Variants in GALNT11 observed in about 807,000 individuals in gnomAD.
The protein encoded by GALNT11 is polypeptide N-acetylgalactosaminyltransferase 11, also known as UDP-GalNAc:polypeptide N-acetylgalactosaminyltransferase 11.
GALNT11 carries 47 observed loss-of-function variants against 72.7 expected under a neutral mutation model. The observed-to-expected ratio is 0.65, with a 90% CI of 0.51 to 0.82. GALNT11 has a LOEUF of 0.82. GALNT11 is among the 40% of genes least tolerant of loss of function. GALNT11 has a pLI of 0.00. For missense variants in GALNT11, 677 were observed against 778.4 expected (o/e 0.87, Z 1.55); for synonymous variants, 270 against 286.6 (o/e 0.94, Z 0.58).
At chr7:152,097,296 A>C (rs1177398978) in intron 2 of GALNT11, among the ~76,000 whole-genome samples, 1 of 152,234 alleles carries the variant, frequency 6.6e-6, no homozygotes, top group Admixed American at 6.6e-5. Context: ...AAACAATGAG[A>C]TAGCCATCTC....
chr7:152,065,282 G>A (rs557563926), intron 1 of GALNT11, among the ~76,000 whole-genome samples: 14 of 152,166 alleles, frequency 9.2e-5, no homozygotes, highest in East Asian at 3.9e-4. Context: ...CGTAGTTCTC[G>A]TGCCATGGTT....
At chr7:152,100,993 G>A (rs1359897604) in intron 3 of GALNT11, 72 bp downstream of exon 3, 4 of 1,566,208 alleles carry the variant, frequency 2.6e-6, no homozygotes, top group East Asian at 2.3e-5. Context: ...AAGAGGTCAC[G>A]AGGACGGGGT....
At chr7:152,062,372 C>T (rs545315527) in intron 1 of GALNT11, among the ~76,000 whole-genome samples, 74 of 152,258 alleles carry the variant, frequency 4.9e-4, no homozygotes, top group African/African-American at 1.7e-3. Flanking sequence ...TGGGCTGAGA[C>T]GATGAGGTTT....
At chr7:152,071,037 T>C (rs998520482) in intron 1 of GALNT11, among the ~76,000 whole-genome samples, 11 of 152,112 alleles carry the variant, frequency 7.2e-5, no homozygotes, top group Non-Finnish European at 1.6e-4. Flanking sequence ...TAATAGAATA[T>C]CACAAGGCAA....
intron 6 of GALNT11, among the ~76,000 whole-genome samples, chr7:152,109,481 TAA>T (rs1005222245): frequency 3.3e-5 from 5 of 152,248 alleles, no homozygotes; most frequent in African/African-American, 1.2e-4. Flanking sequence ...TGGATATGTA[TAA>T]ACATGGTTAC....
intron 1 of GALNT11, among the ~76,000 whole-genome samples, chr7:152,076,239 T>C (rs1392736122): frequency 6.6e-6 from 1 of 152,226 alleles, no homozygotes; most frequent in African/African-American, 2.4e-5. Context: ...CTCTCTTTAT[T>C]AGATTTTTCA....
intron 1 of GALNT11, among the ~76,000 whole-genome samples, chr7:152,047,039 ACT>A (rs2083161612): frequency 1.3e-5 from 2 of 152,212 alleles, no homozygotes; most frequent in Non-Finnish European, 1.5e-5. Context: ...GCAACTTAAC[ACT>A]GATTGTCTAA....
chr7:152,120,827 C>G lies in GALNT11; in HGVS notation c.1558-4C>G, dbSNP rs2089360488. 6.3e-7 allele frequency: 1 copy of G among 1,594,928 alleles called. No homozygotes were observed. The highest frequency in any genetic ancestry group is 1.3e-5 in the African/African-American group (1 of 74,400). ...CTAAATTTTATTTTATTTTTCTTCT[C>G]TAGATCTGGATCTATAATGAAGAGC... is the stretch of plus-strand genomic sequence containing the variant. On this transcript the variant is annotated splice_polypyrimidine_tract_variant and splice_region_variant and intron_variant, in intron 10 of 11. Transcript: ENST00000430044.
In GALNT11 at chr7:152,113,712, C is replaced by CTT. The variant is rs6150397; in HGVS notation, c.1233+355_1233+356dup. 1.8e-3 allele frequency among the ~76,000 whole-genome samples: 178 copies of CTT among 96,970 alleles called. 15 individuals carry two copies. The highest frequency in any genetic ancestry group is 2.2e-3 in the African/African-American group (47 of 21,776). The allele number at this position is 96,970 out of a possible 152,430, so 63.6% of individuals were successfully genotyped here. The stretch of plus-strand genomic sequence containing the variant: ...TGTGACGCCTGCAAAAGTTGGCTTT[C>CTT]TTTTTTTTTTTTTTTTTTTTTTTTT... On this transcript the variant is annotated intron_variant, in intron 8 of 11. Coordinates refer to ENST00000430044, the MANE Select transcript of GALNT11 (RefSeq NM_022087.4).
rs7789170 is a variant in GALNT11 at position 152,073,445 on chromosome 7, G to T, written c.-38-20745G>T. On this transcript the variant is annotated intron_variant, in intron 1 of 11. Transcript: ENST00000430044. ...GGCTTATTTCACTTAATATCCTCCA[G>T]TTCCATCCATGTTGCTGTGAGTGAC... Among the ~76,000 whole-genome samples the T allele has an allele frequency of 2.3e-3, 351 of 152,210 alleles. 1 individual carries two copies. Among genetic ancestry groups the T allele is most frequent in the African/African-American group, 8.1e-3 (338 of 41,538 alleles).
At chr7:152,028,680 C>G (rs550144297) in intron 1 of GALNT11, among the ~76,000 whole-genome samples, 52 of 151,680 alleles carry the variant, frequency 3.4e-4, no homozygotes, top group African/African-American at 1.3e-3. Context: ...CCTCTCAATC[C>G]CCCCCCTCTA....
Position 152,116,482 on chromosome 7 carries a change from G to T in GALNT11, c.1234-675G>T, listed in dbSNP as rs1328294812. 3.9e-5 allele frequency among the ~76,000 whole-genome samples: 6 copies of T among 152,160 alleles called. No homozygotes were observed. In the East Asian group the frequency reaches 7.7e-4, roughly 20 times the overall value. ...TCAAACTCCTGACCTTAAGTGATCC[G>T]CCTGCCTTGGCCTCCCAAAGTGCTG... On this transcript the variant is annotated intron_variant, in intron 8 of 11. Transcript: ENST00000430044.
At chr7:152,107,858 C>G (rs1011211626) in intron 5 of GALNT11, 180 bp from the exon 6 acceptor site, 42 of 625,124 alleles carry the variant, frequency 6.7e-5, no homozygotes, top group Middle Eastern at 4.4e-4. Context: ...GCATTACTGG[C>G]TGAGGGACGT....
intron 2 of GALNT11, among the ~76,000 whole-genome samples, chr7:152,095,147 A>T (rs1436291425): frequency 6.6e-6 from 1 of 151,980 alleles, no homozygotes; most frequent in Non-Finnish European, 1.5e-5. Context: ...AAATATATGT[A>T]TATATAATAT....
chr7:152,091,671 C>T (rs757655750), intron 1 of GALNT11, among the ~76,000 whole-genome samples: 6 of 152,110 alleles, frequency 3.9e-5, no homozygotes, highest in African/African-American at 1.4e-4. Flanking sequence ...AGCCACCGCC[C>T]CCAGCCGGAG....
At chr7:152,034,719 G>A (rs764441230) in intron 1 of GALNT11, among the ~76,000 whole-genome samples, 3 of 152,124 alleles carry the variant, frequency 2.0e-5, no homozygotes, top group Non-Finnish European at 4.4e-5. Context: ...CACAACGGTC[G>A]GTCCCTGGAC....
chr7:152,027,074 C>A (rs2151971230), intron 1 of GALNT11, among the ~76,000 whole-genome samples: 1 of 152,236 alleles, frequency 6.6e-6, no homozygotes, highest in South Asian at 2.1e-4. Flanking sequence ...ACGGTGAAAT[C>A]CCGTCTCTAC....
At chr7:152,078,992 C>T (rs1318781299) in intron 1 of GALNT11, among the ~76,000 whole-genome samples, 3 of 149,496 alleles carry the variant, frequency 2.0e-5, no homozygotes, top group African/African-American at 5.2e-5. Context: ...TACTCTGTCT[C>T]CCTTGCCGAC....
intron 1 of GALNT11, among the ~76,000 whole-genome samples, chr7:152,065,954 A>G (rs148942515): frequency 7.1e-4 from 108 of 152,140 alleles, no homozygotes; most frequent in African/African-American, 1.6e-3. Flanking sequence ...GAGAACCACT[A>G]CTCTATTCAA....
Sources: allele counts gnomAD v4.1 joint callset (sites outside exome capture counted in the v4.1 genomes callset), GRCh38; gene constraint gnomAD v4.1.1; transcripts MANE v1.5; gene names NCBI Gene and HGNC (gene_info 2026-07-23, HGNC 2026-07-21).